The following ZNF536 variants were observed in gnomAD, a reference collection of about 807,000 sequenced individuals.
ZNF536 encodes zinc finger protein 536.
Under a neutral mutation model 84.5 loss-of-function variants are expected in ZNF536, and 13 were observed. That is an observed-to-expected ratio of 0.15 (90% CI 0.10 to 0.24). The LOEUF is 0.24. ZNF536 is among the 10% of genes least tolerant of loss of function. The pLI, the probability that ZNF536 is intolerant of heterozygous loss-of-function variation, is 1.00. For synonymous variants in ZNF536, 811 were observed against 742.5 expected, an observed-to-expected ratio of 1.09 and a Z score of -1.50; for missense variants, 1,536 against 1,747.5, an observed-to-expected ratio of 0.88 and a Z score of 2.16.
intron 2 of ZNF536, among the ~76,000 whole-genome samples, chr19:30,297,909 CCCCCTCTGTCG>C (rs1411145044): frequency 6.8e-6 from 1 of 147,438 alleles, no homozygotes; most frequent in Admixed American, 6.9e-5. Flanking sequence ...GGAGTCCCCC[CCCCCTCTGTCG>C]CCCAGGCTGG....
chr19:30,265,127 C>T (rs977307050), intron 1 of ZNF536, among the ~76,000 whole-genome samples: 11 of 152,094 alleles, frequency 7.2e-5, no homozygotes, highest in Non-Finnish European at 1.2e-4. Flanking sequence ...AGGGTGCTGG[C>T]TCTTCAGTCT....
intron 2 of ZNF536, among the ~76,000 whole-genome samples, chr19:30,507,047 A>G (rs1195442522): frequency 6.6e-6 from 1 of 152,222 alleles, no homozygotes; most frequent in Non-Finnish European, 1.5e-5. Context: ...ATACCCTGTT[A>G]GTGAATATTT....
At chr19:30,632,658 C>T (rs567326906) in intron 1 of ZNF536, among the ~76,000 whole-genome samples, 1 of 112,282 alleles carries the variant, frequency 8.9e-6, no homozygotes, top group Non-Finnish European at 2.2e-5. Context: ...AACAAACCAA[C>T]CAACCAACCA....
chr19:30,361,076 C>T (rs2048258464), intron 3 of ZNF536, among the ~76,000 whole-genome samples: 2 of 152,202 alleles, frequency 1.3e-5, no homozygotes, highest in South Asian at 4.1e-4. Flanking sequence ...TCCCTCCCTC[C>T]GTGACCTGAA....
chr19:30,578,548 G>T (rs1338882164), intron 1 of ZNF536, among the ~76,000 whole-genome samples: 1 of 152,220 alleles, frequency 6.6e-6, no homozygotes, highest in Non-Finnish European at 1.5e-5. Context: ...AGTTTTTCTG[G>T]CTGGTCCTTG....
At chr19:30,673,355 T>G (rs79410863) in intron 1 of ZNF536, among the ~76,000 whole-genome samples, 1,844 of 152,274 alleles carry the variant, frequency 0.012, 22 homozygotes, top group Non-Finnish European at 0.021. Context: ...ATATGAATTT[T>G]TTCAGTTCAT....
At chr19:30,416,212 C>G (rs2050724876) in intron 1 of ZNF536, among the ~76,000 whole-genome samples, 1 of 150,872 alleles carries the variant, frequency 6.6e-6, no homozygotes, top group Non-Finnish European at 1.5e-5. Flanking sequence ...AGTCCTTTCT[C>G]TCTTTATGGT....
upstream of ZNF536, among the ~76,000 whole-genome samples, chr19:30,369,012 A>G (rs942922567): frequency 1.3e-5 from 2 of 152,188 alleles, no homozygotes; most frequent in South Asian, 4.1e-4. Flanking sequence ...GATCCAGTAA[A>G]TTTAGCAAAC....
At chr19:30,288,019 T>C (rs2045709931) in intron 2 of ZNF536, among the ~76,000 whole-genome samples, 1 of 152,252 alleles carries the variant, frequency 6.6e-6, no homozygotes, top group Non-Finnish European at 1.5e-5. Context: ...TTTCTTTTAG[T>C]CTAGTGTTTT....
At chr19:30,519,433 G>C (rs902130997) in intron 2 of ZNF536, among the ~76,000 whole-genome samples, 2 of 152,176 alleles carry the variant, frequency 1.3e-5, no homozygotes, top group African/African-American at 4.8e-5. Flanking sequence ...CTGGCAGTGG[G>C]AGCCCTGCAC....
intron 1 of ZNF536, among the ~76,000 whole-genome samples, chr19:30,646,829 C>A (rs1266085317): frequency 1.3e-5 from 2 of 152,160 alleles, no homozygotes; most frequent in African/African-American, 4.8e-5. Flanking sequence ...CGTTTGGGCG[C>A]ATTTCCGAAG....
At chr19:30,472,839 C>T (rs1220180613) in intron 2 of ZNF536, among the ~76,000 whole-genome samples, 1 of 152,072 alleles carries the variant, frequency 6.6e-6, no homozygotes, top group African/African-American at 2.4e-5. Flanking sequence ...CAAGGAAGTG[C>T]TCCAAGGTGG....
At chr19:30,647,799 A>T (rs2049532734) in intron 1 of ZNF536, among the ~76,000 whole-genome samples, 1 of 152,130 alleles carries the variant, frequency 6.6e-6, no homozygotes, top group Non-Finnish European at 1.5e-5. Flanking sequence ...GGGAGTGCTG[A>T]CCCTTTGCTA....
At chr19:30,509,311 A>G (rs932624379) in intron 2 of ZNF536, among the ~76,000 whole-genome samples, 1 of 148,470 alleles carries the variant, frequency 6.7e-6, no homozygotes, top group Admixed American at 6.8e-5. Context: ...TATTATACAT[A>G]CATATATAAC....
chr19:30,257,977 T>C (rs16963981), intron 1 of ZNF536, among the ~76,000 whole-genome samples: 3,804 of 152,328 alleles, frequency 0.025, 123 homozygotes, highest in East Asian at 0.1. Flanking sequence ...TTTTGGACTC[T>C]GCAGAACTAG....
At chr19:30,333,193 A>C (rs1194448021) in intron 2 of ZNF536, among the ~76,000 whole-genome samples, 2 of 152,100 alleles carry the variant, frequency 1.3e-5, no homozygotes. Context: ...AAATAAATAA[A>C]TAAGGAAATA....
intron 2 of ZNF536, among the ~76,000 whole-genome samples, chr19:30,481,327 TCTGGGGGAGTCACA>T (rs1216579863): frequency 6.6e-6 from 1 of 152,196 alleles, no homozygotes; most frequent in African/African-American, 2.4e-5. Flanking sequence ...ATCTCATCTC[TCTGGGGGAGTCACA>T]CTGGTTTTTC....
intron 1 of ZNF536, among the ~76,000 whole-genome samples, chr19:30,665,920 TG>T (rs2050298425): frequency 6.6e-6 from 1 of 152,186 alleles, no homozygotes; most frequent in Admixed American, 6.5e-5. Flanking sequence ...GTGCACTGCA[TG>T]GACAGGTGAT....
intron 1 of ZNF536, among the ~76,000 whole-genome samples, chr19:30,259,917 ATTTT>A (rs34342169): frequency 1.2e-3 from 158 of 133,702 alleles, no homozygotes; most frequent in Non-Finnish European, 1.3e-3. Context: ...TGCCCAGCTA[ATTTT>A]TTTTTTTTTT....
Sources: gnomAD v4.1 joint callset for allele counts (sites outside exome capture counted in the v4.1 genomes callset) on GRCh38, gnomAD v4.1.1 for gene constraint, MANE v1.5 for transcripts, NCBI Gene and HGNC (gene_info 2026-07-23, HGNC 2026-07-21) for gene names.